PRELID2: variants seen among roughly 807,000 people sequenced by gnomAD.
PRELID2 encodes the protein PRELI domain containing 2.
A neutral mutation model predicts 28.4 loss-of-function variants in PRELID2; 25 were observed. The observed-to-expected ratio is 0.88, with a 90% CI of 0.64 to 1.23. The LOEUF (loss-of-function observed/expected upper bound fraction) is 1.23, where lower values mean the gene tolerates loss of function less well. PRELID2 is among the 50% of genes most tolerant of loss of function. The probability of loss-of-function intolerance (pLI) is 0.00; values close to 1 mark genes in which losing one functional copy is unlikely to be tolerated. For missense variants in PRELID2, 201 were observed against 214.4 expected (o/e 0.94, Z 0.39); for synonymous variants, 76 against 71.6 (o/e 1.06, Z -0.31).
At chr5:145,509,126 T>C (rs746648084) in intron 1 of PRELID2, among the ~76,000 whole-genome samples, 1 of 152,162 alleles carries the variant, frequency 6.6e-6, no homozygotes, top group Non-Finnish European at 1.5e-5. Flanking sequence ...ATGAAGTGCA[T>C]GTCACAGGAA....
chr5:145,679,810 AATAT>A (rs61046245), intron 1 of PRELID2, among the ~76,000 whole-genome samples: 1 of 147,912 alleles, frequency 6.8e-6, no homozygotes, highest in Admixed American at 6.8e-5. Flanking sequence ...AGTTAGAATA[AATAT>A]ATATATATAT....
the PRELID2 span, among the ~76,000 whole-genome samples, chr5:145,404,555 A>C: frequency 6.6e-6 from 1 of 152,202 alleles, no homozygotes; most frequent in African/African-American, 2.4e-5. Flanking sequence ...CAAATGACCA[A>C]CAATTATAAT....
the PRELID2 span, among the ~76,000 whole-genome samples, chr5:145,289,386 G>A: frequency 6.6e-6 from 1 of 152,050 alleles, no homozygotes; most frequent in African/African-American, 2.4e-5. Flanking sequence ...CTGGAACCTA[G>A]CAATATGGAC....
intron 1 of PRELID2, chr5:145,728,438 G>C (rs1201132454): frequency 1.7e-6 from 1 of 576,548 alleles, no homozygotes. Context: ...AGACAAAACA[G>C]GGACCCCGGA....
At chr5:145,760,588 T>G (rs1757427855) in intron 6 of PRELID2, 63 bp from the exon 7 acceptor site, 1 of 152,216 alleles carries the variant, frequency 6.6e-6, no homozygotes, top group South Asian at 2.1e-4. Context: ...CAATACTTAT[T>G]TGCCCTCTTT....
At chr5:145,750,702 G>T (rs1757102101) in intron 1 of PRELID2, among the ~76,000 whole-genome samples, 1 of 152,130 alleles carries the variant, frequency 6.6e-6, no homozygotes, top group Non-Finnish European at 1.5e-5. Flanking sequence ...GGTTATTCCT[G>T]CTGGCAACTG....
At chr5:145,702,854 T>C (rs1362683869) in intron 1 of PRELID2, among the ~76,000 whole-genome samples, 2 of 152,208 alleles carry the variant, frequency 1.3e-5, no homozygotes, top group Non-Finnish European at 2.9e-5. Flanking sequence ...ATACCACTTC[T>C]ATGTGGGCTT....
At chr5:145,615,351 G>A (rs1255736361) in intron 1 of PRELID2, among the ~76,000 whole-genome samples, 4 of 110,002 alleles carry the variant, frequency 3.6e-5, no homozygotes, top group East Asian at 2.6e-4. Context: ...TTTTTGAGAC[G>A]GAGTCTCGCT....
intron 1 of PRELID2, among the ~76,000 whole-genome samples, chr5:145,741,509 T>C (rs1363120571): frequency 1.6e-5 from 2 of 123,354 alleles, no homozygotes; most frequent in East Asian, 2.5e-4. Flanking sequence ...TAAAATTTAT[T>C]TATAAATAAT....
chr5:145,357,849 C>T, the PRELID2 span, among the ~76,000 whole-genome samples: 14 of 151,714 alleles, frequency 9.2e-5, no homozygotes, highest in Non-Finnish European at 1.8e-4. Flanking sequence ...AGATCCCATG[C>T]TAGTTCTTTC....
the PRELID2 span, among the ~76,000 whole-genome samples, chr5:145,382,166 A>G: frequency 2.6e-5 from 4 of 152,042 alleles, no homozygotes; most frequent in Non-Finnish European, 5.9e-5. Context: ...CACAGCACAG[A>G]AAGAATTAGT....
the PRELID2 span, among the ~76,000 whole-genome samples, chr5:145,299,309 A>T: frequency 6.6e-6 from 1 of 152,138 alleles, no homozygotes. Context: ...AAATATCATC[A>T]TTATTATTTT....
At chr5:145,388,187 C>A in the PRELID2 span, among the ~76,000 whole-genome samples, 176 of 152,232 alleles carry the variant, frequency 1.2e-3, no homozygotes, top group African/African-American at 3.9e-3. Flanking sequence ...AAAATAAGAT[C>A]TCTCATGTTT....
chr5:145,596,063 G>A (rs563128014), intron 1 of PRELID2, among the ~76,000 whole-genome samples: 65 of 134,272 alleles, frequency 4.8e-4, no homozygotes, highest in African/African-American at 1.9e-3. Context: ...ACTGCACATT[G>A]CACTCCAGCC....
the PRELID2 span, among the ~76,000 whole-genome samples, chr5:145,391,626 C>A: frequency 2.6e-5 from 4 of 152,074 alleles, no homozygotes; most frequent in Non-Finnish European, 1.5e-5. Flanking sequence ...ACATTCAACT[C>A]CTCATTACTT....
chr5:145,400,936 G>T, the PRELID2 span, among the ~76,000 whole-genome samples: 1 of 152,062 alleles, frequency 6.6e-6, no homozygotes, highest in South Asian at 2.1e-4. Context: ...AATAGGAAAG[G>T]CAGCAGCAAA....
At chr5:145,481,169 A>G (rs1752156131) in intron 1 of PRELID2, among the ~76,000 whole-genome samples, 2 of 152,184 alleles carry the variant, frequency 1.3e-5, no homozygotes, top group Admixed American at 6.6e-5. Flanking sequence ...AATTAGTATG[A>G]ATTCCTCTTT....
chr5:145,577,398 CAG>C (rs1235386353), intron 1 of PRELID2, among the ~76,000 whole-genome samples: 6 of 151,824 alleles, frequency 4.0e-5, no homozygotes, highest in African/African-American at 9.7e-5. Context: ...AGAAATTTAA[CAG>C]AGAGATTAAA....
At chr5:145,265,675 A>G in the PRELID2 span, among the ~76,000 whole-genome samples, 2 of 152,168 alleles carry the variant, frequency 1.3e-5, no homozygotes, top group South Asian at 4.1e-4. Flanking sequence ...CAGTCAACTT[A>G]TCTTTGACTA....
Sources: gnomAD v4.1 joint callset for allele counts (sites outside exome capture counted in the v4.1 genomes callset) on GRCh38, gnomAD v4.1.1 for gene constraint, MANE v1.5 for transcripts, NCBI Gene and HGNC (gene_info 2026-07-23, HGNC 2026-07-21) for gene names.